PLCB1: variants seen among roughly 807,000 people sequenced by gnomAD.
The protein encoded by PLCB1 is phospholipase C beta 1, also known as 1-phosphatidylinositol 4,5-bisphosphate phosphodiesterase beta-1.
A neutral mutation model predicts 161.8 loss-of-function variants in PLCB1; 46 were observed. The ratio of observed to expected loss-of-function variants is 0.28; its 90% confidence interval spans 0.22 to 0.36. PLCB1 has a LOEUF of 0.36. PLCB1 is among the 10% of genes least tolerant of loss of function. The pLI is 1.00. For missense variants in PLCB1, 1,016 were observed against 1,472.5 expected (o/e 0.69, Z 5.07); for synonymous variants, 517 against 503.7 (o/e 1.03, Z -0.35).
chr20:8,577,768 A>G (rs992229898), intron 3 of PLCB1, among the ~76,000 whole-genome samples: 15 of 152,202 alleles, frequency 9.9e-5, no homozygotes, highest in East Asian at 1.9e-4. Flanking sequence ...TAGATTATCA[A>G]TGCCTTTATT....
At chr20:8,784,408 C>T (rs1381429390) in intron 27 of PLCB1, among the ~76,000 whole-genome samples, 2 of 151,970 alleles carry the variant, frequency 1.3e-5, no homozygotes, top group Admixed American at 1.3e-4. Context: ...ACTAAAATTA[C>T]AGAAATTAGC....
chr20:8,574,129 ATAGTGGCTTATGCC>A (rs1224737915), intron 3 of PLCB1, among the ~76,000 whole-genome samples: 1 of 152,242 alleles, frequency 6.6e-6, no homozygotes, highest in East Asian at 1.9e-4. Flanking sequence ...TTGGCCTGGC[ATAGTGGCTTATGCC>A]TGTGATCCCA....
rs563892540 is a variant in PLCB1, at chr20:8,644,844, A to G, written c.385-1258A>G. On this transcript the variant is annotated intron_variant, in intron 4 of 31. Transcript: ENST00000338037. ...GGGAGGTGTACCCAACAGCTCATTGAGAACGGGCCAGGATGACAATGGCGG... is the reference window on the plus strand; with the variant it reads ...GGGAGGTGTACCCAACAGCTCATTGGGAACGGGCCAGGATGACAATGGCGG... Among the ~76,000 whole-genome samples the G allele has an allele frequency of 4.3e-3, 655 of 152,254 alleles. 6 individuals carry two copies. The highest frequency in any genetic ancestry group is 7.5e-3 in the Non-Finnish European group (512 of 67,986).
intron 2 of PLCB1, among the ~76,000 whole-genome samples, chr20:8,353,217 C>T (rs1309771516): frequency 6.6e-6 from 1 of 152,042 alleles, no homozygotes; most frequent in Non-Finnish European, 1.5e-5. Flanking sequence ...TAAAAGACTT[C>T]TCAATGGTCA....
At chr20:8,777,107 G>T (rs1313035379) in intron 27 of PLCB1, among the ~76,000 whole-genome samples, 2 of 152,164 alleles carry the variant, frequency 1.3e-5, no homozygotes, top group Admixed American at 1.3e-4. Context: ...TCTGCCTGAA[G>T]AGGATTATAG....
intron 3 of PLCB1, among the ~76,000 whole-genome samples, chr20:8,560,584 A>T (rs989383917): frequency 2.0e-5 from 3 of 152,034 alleles, no homozygotes; most frequent in African/African-American, 7.2e-5. Context: ...TGAAAGTTTA[A>T]CCAGAGCTGA....
chr20:8,216,091 A>G (rs1979107686), intron 2 of PLCB1, among the ~76,000 whole-genome samples: 1 of 152,080 alleles, frequency 6.6e-6, no homozygotes, highest in Admixed American at 6.6e-5. Context: ...GACATTTTAT[A>G]TGATTATAGG....
chr20:8,541,920 G>T (rs976938241), intron 3 of PLCB1, among the ~76,000 whole-genome samples: 1 of 152,160 alleles, frequency 6.6e-6, no homozygotes, highest in African/African-American at 2.4e-5. Context: ...GGAACAAGGT[G>T]GTTTCAGCTA....
At chr20:8,291,865 C>T (rs1324695667) in intron 2 of PLCB1, among the ~76,000 whole-genome samples, 2 of 152,120 alleles carry the variant, frequency 1.3e-5, no homozygotes, top group African/African-American at 4.8e-5. Flanking sequence ...TATATATTAA[C>T]TAATTTTGAC....
intron 31 of PLCB1, among the ~76,000 whole-genome samples, chr20:8,811,314 G>A (rs942156311): frequency 6.6e-6 from 1 of 152,238 alleles, no homozygotes; most frequent in Non-Finnish European, 1.5e-5. Context: ...TCGAAGGGAA[G>A]CAGGGATCTG....
intron 3 of PLCB1, among the ~76,000 whole-genome samples, chr20:8,490,412 T>C (rs969943571): frequency 5.9e-5 from 9 of 152,246 alleles, no homozygotes; most frequent in Non-Finnish European, 2.9e-5. Flanking sequence ...ATTGACCCAT[T>C]GGTAGAAACA....
intron 31 of PLCB1, among the ~76,000 whole-genome samples, chr20:8,824,767 A>G (rs1382692184): frequency 6.6e-6 from 1 of 152,218 alleles, no homozygotes; most frequent in Non-Finnish European, 1.5e-5. Context: ...TAATGCATGC[A>G]TCACTGAAAG....
chr20:8,784,037 A>G (rs1341868259), intron 27 of PLCB1, among the ~76,000 whole-genome samples: 1 of 152,224 alleles, frequency 6.6e-6, no homozygotes, highest in Non-Finnish European at 1.5e-5. Context: ...AGAGAAAACT[A>G]CAGGTGTACC....
chr20:8,476,011 A>G (rs1046091505), intron 3 of PLCB1, among the ~76,000 whole-genome samples: 3 of 152,174 alleles, frequency 2.0e-5, no homozygotes, highest in Non-Finnish European at 4.4e-5. Context: ...TGCATTTCTA[A>G]CAGACTCCAG....
intron 3 of PLCB1, among the ~76,000 whole-genome samples, chr20:8,529,957 A>T (rs1984737618): frequency 6.6e-6 from 1 of 152,124 alleles, no homozygotes; most frequent in Admixed American, 6.6e-5. Flanking sequence ...TTTTCCAGAT[A>T]GTTCTCATTT....
At chr20:8,239,818 C>T (rs931426134) in intron 2 of PLCB1, among the ~76,000 whole-genome samples, 3 of 151,924 alleles carry the variant, frequency 2.0e-5, no homozygotes, top group Admixed American at 2.0e-4. Flanking sequence ...AGCACTGTGG[C>T]CACTAATGCA....
At chr20:8,234,261 T>A (rs1446996707) in intron 2 of PLCB1, among the ~76,000 whole-genome samples, 1 of 152,040 alleles carries the variant, frequency 6.6e-6, no homozygotes, top group Admixed American at 6.6e-5. Context: ...GTGTTGAGTT[T>A]TGAGGAGCAT....
chr20:8,870,494 A>G (rs988366693), intron 31 of PLCB1, among the ~76,000 whole-genome samples: 6 of 152,192 alleles, frequency 3.9e-5, no homozygotes, highest in African/African-American at 1.4e-4. Flanking sequence ...TGGCGGTTTC[A>G]TGGAATATAT....
intron 31 of PLCB1, among the ~76,000 whole-genome samples, chr20:8,806,463 C>T (rs1359579854): frequency 6.6e-6 from 1 of 152,002 alleles, no homozygotes; most frequent in African/African-American, 2.4e-5. Flanking sequence ...TTTGGCTTTC[C>T]TCCTTCCTCT....
Sources: allele counts gnomAD v4.1 joint callset (sites outside exome capture counted in the v4.1 genomes callset), GRCh38; gene constraint gnomAD v4.1.1; transcripts MANE v1.5; gene names NCBI Gene and HGNC (gene_info 2026-07-23, HGNC 2026-07-21).